The following PES1 variants were observed in gnomAD, a reference collection of about 807,000 sequenced individuals.
PES1 encodes the protein pescadillo homolog.
Under a neutral mutation model 77.1 loss-of-function variants are expected in PES1, and 31 were observed. The ratio of observed to expected loss-of-function variants is 0.40; its 90% CI spans 0.30 to 0.54. The LOEUF (loss-of-function observed/expected upper bound fraction) is 0.54. Ranked by LOEUF, PES1 falls within the 20% of genes least tolerant of loss-of-function variation. The probability of loss-of-function intolerance (pLI) is 0.45; values close to 1 mark genes in which losing one functional copy is unlikely to be tolerated. For missense variants in PES1, 658 were observed against 771.7 expected, an observed-to-expected ratio of 0.85 and a Z score of 1.75; for synonymous variants, 282 against 303.0, an observed-to-expected ratio of 0.93 and a Z score of 0.72.
At chr22:30,589,385 G>T in intron 1 of PES1, 115 bp from the exon 2 acceptor site, 1 of 842,070 alleles carries the variant, frequency 1.2e-6, no homozygotes. Flanking sequence ...GCTGAGATGA[G>T]TCTAGGAGAG....
At chr22:30,587,175 C>G (rs946181310) in intron 4 of PES1, 111 bp downstream of exon 4, 1 of 789,470 alleles carries the variant, frequency 1.3e-6, no homozygotes, top group Non-Finnish European at 2.1e-6. Flanking sequence ...GAAAAAGTTG[C>G]AAGCTCTTTG....
intron 2 of PES1, among the ~76,000 whole-genome samples, chr22:30,603,494 G>A (rs186512081): frequency 1.1e-3 from 161 of 152,014 alleles, no homozygotes; most frequent in African/African-American, 3.4e-3. Flanking sequence ...CAATTCTCCC[G>A]CCTCAACCTC....
At chr22:30,597,679 T>G (rs980149763) in intron 2 of PES1, among the ~76,000 whole-genome samples, 1 of 151,830 alleles carries the variant, frequency 6.6e-6, no homozygotes, top group African/African-American at 2.4e-5. Context: ...AGAACTTTTG[T>G]GTCTAGCACA....
upstream of PES1, chr22:30,592,342 A>C (rs2087196228): frequency 1.0e-6 from 1 of 989,630 alleles, no homozygotes; most frequent in East Asian, 1.1e-4. Flanking sequence ...GCAGGGTGAG[A>C]CTGCGCTGAG....
chr22:30,606,893 CG>C (rs1569036069), exon 1 of PES1: 2 of 1,059,304 alleles, frequency 1.9e-6, no homozygotes, highest in Admixed American at 5.0e-5. Context: ...TAAGGAGTAC[CG>C]GGTAGGCACC....
Position 30,579,893 on chromosome 22 carries a change from G to A in PES1, c.1212C>T (p.Ala404=). The A allele has an allele frequency of 3.1e-6, 5 of 1,614,138 alleles. No homozygotes were observed. The highest frequency in any genetic ancestry group is 3.4e-6 in the Non-Finnish European group (4 of 1,180,022). ...ACTCTGCCACGGGGAGAAGGAGCCT[G>A]GCGTTCACTGAGTCAAACACCCACT... is the stretch of plus-strand genomic sequence containing the variant. The part of the protein sequence containing the change: ...QPQWVFDSVN[A]RLLLPVAEYF... Residue 404 remains alanine (A), a synonymous_variant, in exon 12 of 15, where the codon GCC becomes GCT. Transcript: ENST00000354694.
chr22:30,603,349 C>T (rs1287982356), intron 2 of PES1, among the ~76,000 whole-genome samples: 11 of 151,900 alleles, frequency 7.2e-5, no homozygotes, highest in Admixed American at 6.6e-4. Context: ...TCCTCCTCTT[C>T]CTCCTTTTCT....
rs1018625313 is a variant in PES1, at chr22:30,586,978, G to A, written c.368+308C>T. On this transcript the variant is annotated intron_variant, in intron 4 of 14. Coordinates refer to ENST00000354694, the MANE Select transcript of PES1 (RefSeq NM_014303.4). Reference sequence around the variant, plus strand: ...TCCCACGTCTCACCAGGTACCCGTCGTGCCTTCATGGAGCCCTGGGGCTCT... The same window carrying A: ...TCCCACGTCTCACCAGGTACCCGTCATGCCTTCATGGAGCCCTGGGGCTCT... 8.1e-5 allele frequency: 27 copies of A among 332,668 alleles called. 1 individual carries two copies. The highest frequency in any genetic ancestry group is 3.5e-4 in the South Asian group (9 of 25,864). 20.6% of individuals were successfully genotyped at this position (332,668 alleles called of 1,614,324 possible). A position where few individuals can be genotyped will look rare whatever the true frequency, so the allele number is the denominator to read the frequency against.
intron 2 of PES1, among the ~76,000 whole-genome samples, chr22:30,588,936 G>T (rs1316083696): frequency 6.6e-6 from 1 of 152,212 alleles, no homozygotes; most frequent in Non-Finnish European, 1.5e-5. Context: ...TACCAGATAG[G>T]AGGGGATGGA....
chr22:30,606,511 A>G (rs1422867816), intron 1 of PES1: 1 of 152,308 alleles, frequency 6.6e-6, no homozygotes, highest in East Asian at 1.9e-4. Context: ...TCAGCCTTTC[A>G]AAGTGCTAGG....
intron 2 of PES1, among the ~76,000 whole-genome samples, chr22:30,605,211 G>C (rs1438764144): frequency 1.3e-5 from 2 of 152,146 alleles, no homozygotes; most frequent in African/African-American, 4.8e-5. Flanking sequence ...ATCTTGCCTA[G>C]ACTGGTCTCA....
At chr22:30,606,142 T>C (rs940791909) in intron 1 of PES1, among the ~76,000 whole-genome samples, 2 of 152,230 alleles carry the variant, frequency 1.3e-5, no homozygotes, top group Non-Finnish European at 2.9e-5. Context: ...CTTCCCTGTT[T>C]GCAGAGATTT....
At chr22:30,594,113 C>T (rs926411874), upstream of PES1, among the ~76,000 whole-genome samples, 15 of 152,214 alleles carry the variant, frequency 9.9e-5, no homozygotes, top group Admixed American at 2.0e-4. Flanking sequence ...TACCTCTAAG[C>T]CTCGGACAAG....
Position 30,577,785 on chromosome 22 carries a change from C to T in PES1, c.1684-656G>A, listed in dbSNP as rs890500979. 1.4e-4 allele frequency among the ~76,000 whole-genome samples: 22 copies of T among 152,176 alleles called. 4 individuals carry two copies. The highest frequency in any genetic ancestry group is 1.3e-3 in the Admixed American group (20 of 15,276). ...TGCTGGGATTACAGGCGTGAGCCACCATGCCCAGACCCATTTGACAATAAC... is the reference window on the plus strand; with the variant it reads ...TGCTGGGATTACAGGCGTGAGCCACTATGCCCAGACCCATTTGACAATAAC... On this transcript the variant is annotated intron_variant, in intron 14 of 14. Transcript: ENST00000354694.
At chr22:30,605,884 A>G (rs1398691836) in intron 1 of PES1, among the ~76,000 whole-genome samples, 3 of 152,356 alleles carry the variant, frequency 2.0e-5, no homozygotes, top group South Asian at 4.1e-4. Flanking sequence ...GCAATTTACC[A>G]TAAAATAATT....
At chr22:30,602,087 T>C (rs1015993178) in intron 2 of PES1, among the ~76,000 whole-genome samples, 1 of 151,980 alleles carries the variant, frequency 6.6e-6, no homozygotes, top group Non-Finnish European at 1.5e-5. Flanking sequence ...TTTCTTTTCT[T>C]TTTTTTCTGA....
At chr22:30,593,211 G>A (rs1253013244), upstream of PES1, among the ~76,000 whole-genome samples, 2 of 152,162 alleles carry the variant, frequency 1.3e-5, no homozygotes, top group African/African-American at 4.8e-5. Flanking sequence ...ATGAAGCCGG[G>A]CACGGTCGCT....
intron 1 of PES1, among the ~76,000 whole-genome samples, chr22:30,591,508 A>C (rs1239267195): frequency 2.0e-5 from 3 of 152,094 alleles, no homozygotes; most frequent in Non-Finnish European, 4.4e-5. Flanking sequence ...AATGTTTATC[A>C]CCCTTTCGGT....
chr22:30,585,306 G>C (rs1288912546), intron 4 of PES1: 1 of 471,510 alleles, frequency 2.1e-6, no homozygotes, highest in South Asian at 1.5e-5. Context: ...AATGTGTTTC[G>C]GGGAATCCTC....
Sources: gnomAD v4.1 joint callset for allele counts (sites outside exome capture counted in the v4.1 genomes callset) on GRCh38, gnomAD v4.1.1 for gene constraint, MANE v1.5 for transcripts, NCBI Gene and HGNC (gene_info 2026-07-23, HGNC 2026-07-21) for gene names.